Variants in NRCAM observed in about 807,000 individuals in gnomAD.
NRCAM encodes neuronal cell adhesion molecule, also known as NgCAM-related cell adhesion molecule.
In NRCAM, 83 loss-of-function variants were observed where a neutral mutation model predicts 156.5. The ratio of observed to expected loss-of-function variants is 0.53; its 90% CI spans 0.44 to 0.64. NRCAM has a LOEUF of 0.64. NRCAM is among the 30% of genes least tolerant of loss of function. The pLI, the probability that NRCAM is intolerant of heterozygous loss-of-function variation, is 0.00. For synonymous variants in NRCAM, 538 were observed against 563.9 expected, an observed-to-expected ratio of 0.95 and a Z score of 0.65; for missense variants, 1,417 against 1,597.3, an observed-to-expected ratio of 0.89 and a Z score of 1.92.
intron 2 of NRCAM, among the ~76,000 whole-genome samples, chr7:108,329,177 A>C (rs2099101741): frequency 6.6e-6 from 1 of 152,146 alleles, no homozygotes. Context: ...GTATTCACCC[A>C]TCCAAGCTGT....
intron 8 of NRCAM, among the ~76,000 whole-genome samples, chr7:108,228,010 C>T (rs911576451): frequency 2.0e-5 from 3 of 151,996 alleles, no homozygotes; most frequent in African/African-American, 4.8e-5. Context: ...CATTAGTTCC[C>T]GGGAAAAGGA....
At chr7:108,435,290 A>G (rs2154473103) in intron 1 of NRCAM, among the ~76,000 whole-genome samples, 1 of 152,350 alleles carries the variant, frequency 6.6e-6, no homozygotes, top group Admixed American at 6.5e-5. Flanking sequence ...CACTCATAGC[A>G]AATTTGAGAA....
At chr7:108,279,829 A>C (rs1046450493) in intron 3 of NRCAM, among the ~76,000 whole-genome samples, 7 of 152,070 alleles carry the variant, frequency 4.6e-5, no homozygotes, top group African/African-American at 1.4e-4. Context: ...TAAAGTGCTG[A>C]GAAAACAGGC....
chr7:108,226,482 G>T, intron 8 of NRCAM, 104 bp from the exon 9 acceptor site: 1 of 667,514 alleles, frequency 1.5e-6, no homozygotes, highest in Non-Finnish European at 2.4e-6. Context: ...AACTTCATTT[G>T]AATATATTTT....
intron 2 of NRCAM, among the ~76,000 whole-genome samples, chr7:108,338,759 C>T (rs956758551): frequency 6.6e-6 from 1 of 152,110 alleles, no homozygotes; most frequent in African/African-American, 2.4e-5. Context: ...TTTAAAAAAC[C>T]TATACTTGAT....
chr7:108,275,795 T>C (rs748210959), intron 3 of NRCAM, among the ~76,000 whole-genome samples: 1 of 152,206 alleles, frequency 6.6e-6, no homozygotes, highest in Non-Finnish European at 1.5e-5. Flanking sequence ...TTGTTTGCTC[T>C]TGCTTCTCTA....
intron 2 of NRCAM, among the ~76,000 whole-genome samples, chr7:108,324,927 A>G (rs2099051117): frequency 7.9e-6 from 1 of 126,138 alleles, no homozygotes; most frequent in South Asian, 2.4e-4. Context: ...TGGCTGGTGT[A>G]ATCAGACACC....
chr7:108,191,343 T>C, intron 18 of NRCAM, 60 bp from the exon 19 acceptor site: 2 of 1,250,056 alleles, frequency 1.6e-6, no homozygotes, highest in East Asian at 2.5e-5. Context: ...AGATACAAGA[T>C]AGCACAAGAT....
At chr7:108,209,756 A>G in intron 11 of NRCAM, 151 bp from the exon 12 acceptor site, 2 of 622,706 alleles carry the variant, frequency 3.2e-6, no homozygotes, top group South Asian at 4.5e-5. Context: ...ACTTTTATAA[A>G]TAATGCTCAC....
At chr7:108,335,327 T>C (rs2099167995) in intron 2 of NRCAM, among the ~76,000 whole-genome samples, 1 of 151,726 alleles carries the variant, frequency 6.6e-6, no homozygotes, top group Admixed American at 6.6e-5. Flanking sequence ...AGAGATTCCC[T>C]ATATTTTTCC....
chr7:108,408,061 A>C (rs936223543), intron 1 of NRCAM, among the ~76,000 whole-genome samples: 1 of 152,214 alleles, frequency 6.6e-6, no homozygotes, highest in African/African-American at 2.4e-5. Flanking sequence ...ATTTTTAAAG[A>C]AGTGATTTTA....
At chr7:108,435,087 GCAGA>G (rs1350360257) in intron 1 of NRCAM, among the ~76,000 whole-genome samples, 1 of 150,636 alleles carries the variant, frequency 6.6e-6, no homozygotes, top group Non-Finnish European at 1.5e-5. Context: ...AACAGACTTA[GCAGA>G]CAAAGACTTC....
intron 2 of NRCAM, among the ~76,000 whole-genome samples, chr7:108,320,056 T>TA (rs560558518): frequency 7.4e-4 from 112 of 152,278 alleles, no homozygotes; most frequent in African/African-American, 2.6e-3. Context: ...TATACAGTTA[T>TA]AAAAAAACAC....
intron 2 of NRCAM, among the ~76,000 whole-genome samples, chr7:108,314,787 A>G (rs887232052): frequency 2.6e-5 from 4 of 152,230 alleles, no homozygotes; most frequent in African/African-American, 9.6e-5. Context: ...ATAACATTCA[A>G]TGCAACTGAA....
intron 3 of NRCAM, among the ~76,000 whole-genome samples, chr7:108,243,517 C>T (rs1368471075): frequency 6.6e-6 from 1 of 152,140 alleles, no homozygotes; most frequent in Non-Finnish European, 1.5e-5. Context: ...GAATCATGAA[C>T]TAAAACTAAA....
chr7:108,250,337 G>A (rs982048797), intron 3 of NRCAM, among the ~76,000 whole-genome samples: 2 of 145,792 alleles, frequency 1.4e-5, no homozygotes, highest in African/African-American at 2.5e-5. Flanking sequence ...GAGGTGGGAA[G>A]ATGGCTTGAG....
chr7:108,428,802 A>T (rs967265794), intron 1 of NRCAM, among the ~76,000 whole-genome samples: 1 of 152,138 alleles, frequency 6.6e-6, no homozygotes, highest in Non-Finnish European at 1.5e-5. Context: ...CTTCGTTTGC[A>T]CTTATTTTCA....
chr7:108,347,705 T>C (rs2099372150), intron 2 of NRCAM, among the ~76,000 whole-genome samples: 1 of 152,032 alleles, frequency 6.6e-6, no homozygotes, highest in Non-Finnish European at 1.5e-5. Flanking sequence ...TGATGAGGGG[T>C]TCCTTTAAGT....
At chr7:108,174,584 CAT>C (rs1358051023) in intron 28 of NRCAM, among the ~76,000 whole-genome samples, 5 of 152,210 alleles carry the variant, frequency 3.3e-5, no homozygotes, top group Non-Finnish European at 7.3e-5. Flanking sequence ...TAATGGAAGA[CAT>C]ATTACAACTT....
Sources: allele counts gnomAD v4.1 joint callset (sites outside exome capture counted in the v4.1 genomes callset), GRCh38; gene constraint gnomAD v4.1.1; transcripts MANE v1.5; gene names NCBI Gene and HGNC (gene_info 2026-07-23, HGNC 2026-07-21).